Variants in MTRFR observed in about 807,000 individuals in gnomAD.
MTRFR encodes the protein mitochondrial translation release factor in rescue.
A neutral mutation model predicts 11.9 loss-of-function variants in MTRFR; 10 were observed. That is an observed-to-expected ratio of 0.84 (90% CI 0.52 to 1.42). The LOEUF (loss-of-function observed/expected upper bound fraction) is 1.42. MTRFR is among the 40% of genes most tolerant of loss of function. The probability of loss-of-function intolerance (pLI) is 0.00; values close to 1 mark genes in which losing one functional copy is unlikely to be tolerated. For synonymous variants in MTRFR, 77 were observed against 79.1 expected (o/e 0.97, Z 0.14); for missense variants, 196 against 197.9 (o/e 0.99, Z 0.06).
chr12:123,234,446 A>G (rs1286136437), intron 1 of MTRFR, among the ~76,000 whole-genome samples: 1 of 152,076 alleles, frequency 6.6e-6, no homozygotes, highest in Non-Finnish European at 1.5e-5. Context: ...CCCAGGCTGG[A>G]GGGCAGTGGC....
chr12:123,234,846 C>G (rs981985300), intron 1 of MTRFR, among the ~76,000 whole-genome samples: 2 of 152,176 alleles, frequency 1.3e-5, no homozygotes, highest in Non-Finnish European at 2.9e-5. Context: ...GGAAGTCAGG[C>G]TATATTTTTG....
chr12:123,254,306 G>A (rs1026703983), intron 2 of MTRFR: 7 of 272,456 alleles, frequency 2.6e-5, no homozygotes, highest in Admixed American at 9.7e-5. Context: ...GCAGGCGCCC[G>A]GGCAGCATGG....
At chr12:123,242,292 C>T (rs990823048) in intron 1 of MTRFR, among the ~76,000 whole-genome samples, 4 of 152,164 alleles carry the variant, frequency 2.6e-5, no homozygotes, top group African/African-American at 9.7e-5. Context: ...TACGCCGAAG[C>T]TCACGTTTGA....
chr12:123,257,226 G>A lies in MTRFR; in HGVS notation c.*195G>A, dbSNP rs139881564. 11 of 600,942 alleles carry A rather than the reference G, an allele frequency of 1.8e-5. No individual in the cohort carries two copies. The highest frequency in any genetic ancestry group is 5.8e-5 in the East Asian group (2 of 34,582). 37.2% of individuals were successfully genotyped at this position (600,942 alleles called of 1,614,324 possible). A position where few individuals can be genotyped will look rare whatever the true frequency, so the allele number is the denominator to read the frequency against. ...CATGCACGATTCAAGAATAAAACTC[G>A]GCTGGGCACGGTGGACGGTGCCTCA... On this transcript the variant is annotated 3_prime_UTR_variant, in exon 3 of 3. Coordinates refer to ENST00000253233, the MANE Select transcript of MTRFR (RefSeq NM_152269.5).
chr12:123,233,891 T>G (rs970315254), intron 1 of MTRFR: 6 of 152,276 alleles, frequency 3.9e-5, no homozygotes, highest in Non-Finnish European at 7.3e-5. Context: ...TGAGCACGCA[T>G]CAGGTGCTGT....
At chr12:123,253,107 T>TTTTTTTTTTGTTTTTTTG (rs766114484) in intron 1 of MTRFR, among the ~76,000 whole-genome samples, 1 of 63,314 alleles carries the variant, frequency 1.6e-5, no homozygotes, top group Non-Finnish European at 3.4e-5. Context: ...TTTTTTTTTT[T>TTTTTTTTTTGTTTTTTTG]GAGACACTGT....
chr12:123,254,066 G>A, intron 2 of MTRFR, 110 bp downstream of exon 2: 1 of 1,363,828 alleles, frequency 7.3e-7, no homozygotes, highest in Non-Finnish European at 1.0e-6. Context: ...TATTTTTCTG[G>A]CTTGGGCCAC....
intron 2 of MTRFR, 87 bp from the exon 3 acceptor site, chr12:123,256,726 C>CG: frequency 9.7e-7 from 1 of 1,034,114 alleles, no homozygotes; most frequent in Non-Finnish European, 1.5e-6. Context: ...AATAAAAAAG[C>CG]GAACAGGTTG....
intron 2 of MTRFR, chr12:123,254,684 CCAG>C (rs958398906): frequency 3.3e-5 from 5 of 152,284 alleles, no homozygotes; most frequent in Admixed American, 6.6e-5. Flanking sequence ...GCCTGTAATC[CCAG>C]CACTTTGGGA....
chr12:123,242,477 G>A (rs575050221), intron 1 of MTRFR, among the ~76,000 whole-genome samples: 21 of 152,212 alleles, frequency 1.4e-4, no homozygotes, highest in Non-Finnish European at 2.9e-4. Context: ...AATCCAATTC[G>A]TATTTTTTTG....
intron 1 of MTRFR, among the ~76,000 whole-genome samples, chr12:123,236,759 G>A (rs2047856948): frequency 6.6e-6 from 1 of 152,040 alleles, no homozygotes; most frequent in Non-Finnish European, 1.5e-5. Flanking sequence ...TAGTGTAGTT[G>A]ATAAATTATA....
chr12:123,257,233 CA>C lies in MTRFR; in HGVS notation c.*203del. The C allele has an allele frequency of 1.8e-6, 1 of 557,300 alleles. No homozygotes were observed. Among genetic ancestry groups the C allele is most frequent in the Non-Finnish European group, 3.2e-6 (1 of 314,254 alleles). 34.5% of individuals were successfully genotyped at this position (557,300 alleles called of 1,614,324 possible). A position where few individuals can be genotyped will look rare whatever the true frequency, so the allele number is the denominator to read the frequency against. ...GATTCAAGAATAAAACTCGGCTGGG[CA>C]CGGTGGACGGTGCCTCACATCTGTA... On this transcript the variant is annotated 3_prime_UTR_variant, in exon 3 of 3. Coordinates refer to ENST00000253233, the MANE Select transcript of MTRFR (RefSeq NM_152269.5).
At chr12:123,237,640 T>C (rs558188147) in intron 1 of MTRFR, among the ~76,000 whole-genome samples, 70 of 152,330 alleles carry the variant, frequency 4.6e-4, no homozygotes, top group Non-Finnish European at 1.2e-4. Context: ...CTATTATGCT[T>C]TCCTTGTTTG....
chr12:123,253,148 G>A (rs1355275653), intron 1 of MTRFR, among the ~76,000 whole-genome samples: 2 of 122,804 alleles, frequency 1.6e-5, no homozygotes, highest in African/African-American at 6.2e-5. Context: ...GGAGTGCAGT[G>A]GCTCTGCCTC....
chr12:123,244,629 T>C (rs927337229), intron 1 of MTRFR, among the ~76,000 whole-genome samples: 1 of 152,072 alleles, frequency 6.6e-6, no homozygotes, highest in Admixed American at 6.6e-5. Context: ...AGAATACTTT[T>C]TTCTGTGATC....
intron 1 of MTRFR, among the ~76,000 whole-genome samples, chr12:123,239,817 T>C (rs1036461690): frequency 6.6e-6 from 1 of 152,152 alleles, no homozygotes; most frequent in Non-Finnish European, 1.5e-5. Context: ...CTTGTTTCCA[T>C]GTCACCATCT....
intron 1 of MTRFR, among the ~76,000 whole-genome samples, chr12:123,244,543 C>T (rs1031623638): frequency 1.3e-5 from 2 of 152,202 alleles, no homozygotes; most frequent in African/African-American, 4.8e-5. Context: ...TTGCAGTTCC[C>T]GTAATCCTCC....
Position 123,256,830 on chromosome 12 carries a change from A to ACTT in MTRFR, c.300_301insCTT (p.Ser100_Val101insLeu), listed in dbSNP as rs781094823. 1 of 1,612,724 alleles carries ACTT rather than the reference A, an allele frequency of 6.2e-7. No individual in the cohort carries two copies. Among genetic ancestry groups the ACTT allele is most frequent in the South Asian group, 1.1e-5 (1 of 91,016 alleles). ...TCTTACAGTGCCATCAGACAAGATC[A>ACTT]GTTGATCAGAACAGAAAGCTAGCTC... On this transcript the variant is annotated inframe_insertion, in exon 3 of 3. Transcript: ENST00000253233.
In MTRFR at chr12:123,235,566, G is replaced by T. The variant is rs529833642; in HGVS notation, c.-29+2035G>T. On this transcript the variant is annotated intron_variant, in intron 1 of 2. Transcript: ENST00000253233. ...TTTTTGTATTTTTAGTAGAGATGGG[G>T]TTTCACCGTGTTAGCCAGGTTGGTC... Among the ~76,000 whole-genome samples, 5 of 151,214 alleles carry T rather than the reference G, an allele frequency of 3.3e-5. No individual in the cohort carries two copies. The South Asian group carries it at 6.3e-4, about 19-fold the overall frequency.
Sources: gnomAD v4.1 joint callset for allele counts (sites outside exome capture counted in the v4.1 genomes callset) on GRCh38, gnomAD v4.1.1 for gene constraint, MANE v1.5 for transcripts, NCBI Gene and HGNC (gene_info 2026-07-23, HGNC 2026-07-21) for gene names.